Variants in DOP1B observed in about 807,000 individuals in gnomAD.
The protein encoded by DOP1B is DOP1 leucine zipper like protein B.
Under a neutral mutation model 233.5 loss-of-function variants are expected in DOP1B, and 174 were observed. The ratio of observed to expected loss-of-function variants is 0.75; its 90% CI spans 0.66 to 0.85. DOP1B has a LOEUF of 0.85. Ranked by LOEUF, DOP1B falls within the 40% of genes least tolerant of loss-of-function variation. DOP1B has a pLI of 0.00. For synonymous variants in DOP1B, 1,190 were observed against 1,185.6 expected, an observed-to-expected ratio of 1.00 and a Z score of -0.08; for missense variants, 2,652 against 2,846.6, an observed-to-expected ratio of 0.93 and a Z score of 1.56.
chr21:36,256,357 G>T (rs2067097331), intron 23 of DOP1B, among the ~76,000 whole-genome samples: 2 of 152,090 alleles, frequency 1.3e-5, no homozygotes, highest in Non-Finnish European at 2.9e-5. Flanking sequence ...AGGAGGATCA[G>T]TTGAGCACAG....
At chr21:36,235,841 G>C (rs1204747263) in intron 15 of DOP1B, among the ~76,000 whole-genome samples, 2 of 133,146 alleles carry the variant, frequency 1.5e-5, no homozygotes, top group Admixed American at 8.4e-5. Context: ...ATATATATTT[G>C]CCATAGTGAC....
intron 9 of DOP1B, among the ~76,000 whole-genome samples, chr21:36,218,324 G>A (rs1450233436): frequency 1.3e-5 from 2 of 152,092 alleles, no homozygotes; most frequent in Non-Finnish European, 2.9e-5. Context: ...CTGAGGTCAG[G>A]AGTTCAAGAC....
intron 4 of DOP1B, among the ~76,000 whole-genome samples, chr21:36,201,830 T>G (rs1569017773): frequency 6.7e-6 from 1 of 150,008 alleles, no homozygotes; most frequent in African/African-American, 2.4e-5. Context: ...TCATGTAGCT[T>G]TGTGTGTGTG....
intron 18 of DOP1B, among the ~76,000 whole-genome samples, chr21:36,243,312 A>T (rs977098812): frequency 2.6e-5 from 4 of 151,482 alleles, no homozygotes; most frequent in Non-Finnish European, 5.9e-5. Flanking sequence ...CTGCTTATTT[A>T]AAATGTTTGG....
At chr21:36,235,312 A>C (rs921737532) in intron 15 of DOP1B, among the ~76,000 whole-genome samples, 1 of 152,104 alleles carries the variant, frequency 6.6e-6, no homozygotes, top group Non-Finnish European at 1.5e-5. Context: ...CACAGTGCAA[A>C]CAAGAAAAGG....
At chr21:36,267,116 G>A (rs1423276676) in intron 26 of DOP1B, among the ~76,000 whole-genome samples, 1 of 152,184 alleles carries the variant, frequency 6.6e-6, no homozygotes, top group Non-Finnish European at 1.5e-5. Flanking sequence ...GGATGTCAAG[G>A]ATTATAGCCA....
At chr21:36,202,712 A>C (rs934469700) in intron 4 of DOP1B, among the ~76,000 whole-genome samples, 3 of 151,532 alleles carry the variant, frequency 2.0e-5, no homozygotes, top group African/African-American at 7.3e-5. Flanking sequence ...CCCAAAGGAG[A>C]ATCCACCTTT....
chr21:36,213,232 T>C (rs1410823942), intron 7 of DOP1B, among the ~76,000 whole-genome samples: 1 of 152,170 alleles, frequency 6.6e-6, no homozygotes, highest in Non-Finnish European at 1.5e-5. Context: ...AGGATTTGTA[T>C]GTAAAGGATG....
chr21:36,182,744 G>T (rs2066115189), intron 2 of DOP1B, among the ~76,000 whole-genome samples: 2 of 152,172 alleles, frequency 1.3e-5, no homozygotes, highest in South Asian at 4.1e-4. Flanking sequence ...CAGGAGAATT[G>T]CTTGAGCCCA....
In DOP1B at chr21:36,225,577, G is replaced by T. The variant is rs1056245510; in HGVS notation, c.1383G>T (p.Gln461His). 3.1e-6 allele frequency: 5 copies of T among 1,614,130 alleles called. No homozygotes were observed. The highest frequency in any genetic ancestry group is 2.2e-5 in the East Asian group (1 of 44,880). The change falls in exon 12 of 37, where the codon CAG (glutamine) becomes CAT (histidine). Residue 461 changes from glutamine to histidine, a missense_variant. Around this residue, in one of 3 missense-constraint regions of DOP1B, gnomAD observed 2,617 missense variants for 2,794.3 expected, o/e 0.94. Transcript: ENST00000691173. ...CTGTGATTTATAGACCAGTGAAGCA[G>T]CGTTACAGCGTGAGGAACAGCGTCA... ...CFEECFRPVK[Q>H]RYSVRNSVSP...
chr21:36,202,775 C>A (rs956841350), intron 4 of DOP1B, among the ~76,000 whole-genome samples: 1 of 152,156 alleles, frequency 6.6e-6, no homozygotes, highest in Non-Finnish European at 1.5e-5. Flanking sequence ...TTAAGCCCAG[C>A]GCCAGGCCCT....
At chr21:36,173,180 T>C (rs979707224) in intron 2 of DOP1B, among the ~76,000 whole-genome samples, 12 of 152,088 alleles carry the variant, frequency 7.9e-5, no homozygotes, top group African/African-American at 2.4e-4. Context: ...AACAATGATA[T>C]AGGACACAAA....
At chr21:36,278,556 T>G (rs1314696716) in intron 30 of DOP1B, among the ~76,000 whole-genome samples, 2 of 152,090 alleles carry the variant, frequency 1.3e-5, no homozygotes, top group Admixed American at 6.6e-5. Context: ...AAGAGGAATA[T>G]CACTTAATTC....
At chr21:36,267,425 T>C (rs889355474) in intron 26 of DOP1B, among the ~76,000 whole-genome samples, 1 of 152,186 alleles carries the variant, frequency 6.6e-6, no homozygotes, top group Non-Finnish European at 1.5e-5. Flanking sequence ...TTACCTACAT[T>C]GGCCAGTATA....
rs564750753 is a variant in DOP1B at position 36,246,596 on chromosome 21, C to T, written c.4616C>T (p.Thr1539Ile). Residue 1539 changes from threonine (T) to isoleucine (I), a missense_variant, in exon 19 of 37, where the codon ACA becomes ATA. Transcript: ENST00000691173. This position sits in a 1 kb window ranked among gnomAD's most constrained non-coding sequence, Gnocchi z 5.1. Reference sequence around the variant, plus strand: ...GGAAAGTCCCTGGGCTGGACGGTGACACCCTTTGTTGTCCAGATTTGCAAA... The same window carrying T: ...GGAAAGTCCCTGGGCTGGACGGTGATACCCTTTGTTGTCCAGATTTGCAAA... ...YFGKSLGWTV[T>I]PFVVQICKNL... 40 of 1,614,156 alleles carry T rather than the reference C, an allele frequency of 2.5e-5. No homozygotes were observed. In the Admixed American group the frequency reaches 3.2e-4, roughly 13 times the overall value.
At chr21:36,209,926 A>T (rs2066474698) in intron 5 of DOP1B, among the ~76,000 whole-genome samples, 1 of 151,928 alleles carries the variant, frequency 6.6e-6, no homozygotes, top group South Asian at 2.1e-4. Context: ...TCTTTGCAAA[A>T]TGGGGGTTGT....
intron 5 of DOP1B, among the ~76,000 whole-genome samples, chr21:36,210,751 G>A (rs2066487189): frequency 6.6e-6 from 1 of 152,206 alleles, no homozygotes; most frequent in African/African-American, 2.4e-5. Flanking sequence ...GGCAGAGGTT[G>A]CAGTGAGTCA....
At chr21:36,224,056 C>T (rs907328001) in intron 11 of DOP1B, among the ~76,000 whole-genome samples, 5 of 152,116 alleles carry the variant, frequency 3.3e-5, no homozygotes, top group Non-Finnish European at 7.3e-5. Flanking sequence ...AGCTCACAAC[C>T]CTGGGAAAAA....
chr21:36,237,116 G>A, intron 15 of DOP1B, 146 bp from the exon 16 acceptor site: 3 of 1,146,442 alleles, frequency 2.6e-6, no homozygotes, highest in Non-Finnish European at 3.7e-6. Flanking sequence ...ATTTGTTGGT[G>A]ATTTGTCTCT....
Sources: allele counts gnomAD v4.1 joint callset (sites outside exome capture counted in the v4.1 genomes callset), GRCh38; gene constraint gnomAD v4.1.1; regional missense constraint gnomAD v4.1.1; non-coding constraint Gnocchi (gnomAD v3.1); transcripts MANE v1.5; gene names NCBI Gene and HGNC (gene_info 2026-07-23, HGNC 2026-07-21).